Variants in VPS51 observed in about 807,000 individuals in gnomAD.
VPS51 encodes vacuolar protein sorting-associated protein 51 homolog.
VPS51 carries 55 observed loss-of-function variants against 65.1 expected under a neutral mutation model. That is an observed-to-expected ratio of 0.84 (90% CI 0.68 to 1.06). The LOEUF is 1.06. VPS51 is among the 50% of genes least tolerant of loss of function. VPS51 has a pLI of 0.00. For synonymous variants in VPS51, 473 were observed against 489.5 expected (o/e 0.97, Z 0.44); for missense variants, 943 against 1,101.6 (o/e 0.86, Z 2.04).
intron 1 of VPS51, 156 bp downstream of exon 1, chr11:65,096,634 C>G: frequency 1.5e-6 from 1 of 670,046 alleles, no homozygotes; most frequent in Non-Finnish European, 2.5e-6. Context: ...GTACGAGCAG[C>G]TGAGGCGTCT....
chr11:65,101,651 G>A (rs553250741), intron 2 of VPS51, among the ~76,000 whole-genome samples: 31 of 150,312 alleles, frequency 2.1e-4, no homozygotes, highest in African/African-American at 5.6e-4. Context: ...CCTGTAGTCC[G>A]AGCTGCTCAG....
At position 65,108,274 on chromosome 11, in the gene VPS51, T is replaced by C. The variant is rs1947858410; in HGVS notation, c.803T>C (p.Leu268Pro). 1 of 1,600,228 alleles carries C rather than the reference T, an allele frequency of 6.2e-7. No homozygotes were observed. Among genetic ancestry groups the C allele is most frequent in the African/African-American group, 1.3e-5 (1 of 74,834 alleles). Residue 268 changes from leucine to proline, a missense_variant, in exon 5 of 10, where the codon CTG (leucine) becomes CCG (proline). Leu to Pro is a moderately conservative substitution (Grantham distance 98). Coordinates refer to ENST00000279281, the MANE Select transcript of VPS51 (RefSeq NM_013265.4). ...GCCCTGGGCGAGCCTGCGGAGGAGC[T>C]GTGCGAGGAGTTCCTGGCGCACGCC... Reference protein sequence around the residue: ...LLALGEPAEELCEEFLAHARG... With the variant: ...LLALGEPAEEPCEEFLAHARG...
chr11:65,096,518 G>GGGGGGGGGGTGGGGGGGGGGGGC, intron 1 of VPS51, 40 bp downstream of exon 1: 2 of 499,412 alleles, frequency 4.0e-6, no homozygotes, highest in Non-Finnish European at 7.3e-6. Flanking sequence ...GGGGAGGGGG[G>GGGGGGGGGGTGGGGGGGGGGGGC]AAGGGAACCA....
At chr11:65,101,112 GA>G (rs1421021184) in intron 2 of VPS51, among the ~76,000 whole-genome samples, 4 of 152,278 alleles carry the variant, frequency 2.6e-5, no homozygotes, top group South Asian at 2.1e-4. Flanking sequence ...CAAGTTCTAG[GA>G]GTGGGGGAAT....
Position 65,107,546 on chromosome 11 carries a change from C to T in VPS51, c.359-35C>T. On this transcript the variant is annotated intron_variant, in intron 2 of 9. Coordinates refer to ENST00000279281, the MANE Select transcript of VPS51 (RefSeq NM_013265.4). The surrounding 1 kb of genome is among the most constrained non-coding windows in gnomAD (Gnocchi z 4.0). ...GAGGTTGCGCCCGCCCTGCAGTCAC[C>T]TGCTCTCCCCTTTTCCCCGCCCCTG... 6.4e-7 allele frequency: 1 copy of T among 1,553,600 alleles called. No homozygotes were observed. The highest frequency in any genetic ancestry group is 8.8e-7 in the Non-Finnish European group (1 of 1,142,820).
chr11:65,110,665 G>C (rs1205532178), intron 8 of VPS51, 29 bp from the exon 9 acceptor site: 2 of 1,614,166 alleles, frequency 1.2e-6, no homozygotes, highest in East Asian at 4.5e-5. Context: ...TGCAGGGCGG[G>C]CTCTGATTCC....
Position 65,109,416 on chromosome 11 carries a change from T to G in VPS51, c.1580T>G (p.Leu527Arg). 1.2e-6 allele frequency: 2 copies of G among 1,610,728 alleles called. No individual in the cohort carries two copies. Among genetic ancestry groups the G allele is most frequent in the Non-Finnish European group, 1.7e-6 (2 of 1,179,990 alleles). The change falls in exon 6 of 10, where the codon CTC becomes CGC. Residue 527 changes from leucine to arginine, a missense_variant. By Grantham distance (102) the Leu-to-Arg change is moderately radical. Coordinates refer to ENST00000279281, the MANE Select transcript of VPS51 (RefSeq NM_013265.4). Reference sequence around the variant, plus strand: ...ACACCACCTGCCCTGCTCCTGCTGCTCTCCCGCCTCTGCCTGGACTACGAG... The same window carrying G: ...ACACCACCTGCCCTGCTCCTGCTGCGCTCCCGCCTCTGCCTGGACTACGAG... ...GATPPALLLLLSRLCLDYETA... is the reference protein window; with the variant it reads ...GATPPALLLLRSRLCLDYETA...
chr11:65,111,722 G>A lies in VPS51; in HGVS notation c.*135G>A. The A allele has an allele frequency of 7.3e-7, 1 of 1,377,842 alleles. No homozygotes were observed. The highest frequency in any genetic ancestry group is 9.6e-7 in the Non-Finnish European group (1 of 1,046,312). 85.4% of individuals were successfully genotyped at this position (1,377,842 alleles called of 1,614,324 possible). On this transcript the variant is annotated 3_prime_UTR_variant, in exon 10 of 10. Transcript: ENST00000279281. ...TGTGGCCTCCTCCTCTCGCTTGCTGGGCGGGCCTTTCCGGGGGCGGGGTTT... is the reference window on the plus strand; with the variant it reads ...TGTGGCCTCCTCCTCTCGCTTGCTGAGCGGGCCTTTCCGGGGGCGGGGTTT...
At chr11:65,099,841 G>A (rs1947796364) in intron 2 of VPS51, among the ~76,000 whole-genome samples, 1 of 152,116 alleles carries the variant, frequency 6.6e-6, no homozygotes, top group Non-Finnish European at 1.5e-5. Context: ...GGTGGCTTAT[G>A]CCTATAATCT....
In VPS51 at chr11:65,109,428, G is replaced by A. The variant is rs1268160739; in HGVS notation, c.1592G>A (p.Cys531Tyr). 1 of 1,610,468 alleles carries A rather than the reference G, an allele frequency of 6.2e-7. No individual in the cohort carries two copies. The highest frequency in any genetic ancestry group is 1.7e-5 in the Admixed American group (1 of 60,030). Reference sequence around the variant, plus strand: ...CTGCTCCTGCTGCTCTCCCGCCTCTGCCTGGACTACGAGACGGCCACCATC... The same window carrying A: ...CTGCTCCTGCTGCTCTCCCGCCTCTACCTGGACTACGAGACGGCCACCATC... ...PALLLLLSRL[C>Y]LDYETATISY... The change falls in exon 6 of 10, where the codon TGC (cysteine) becomes TAC (tyrosine). Residue 531 changes from cysteine (C) to tyrosine (Y), a missense_variant. Physicochemically the swap from Cys to Tyr is radical, Grantham distance 194. Around this residue, in one of 2 missense-constraint regions of VPS51, gnomAD observed 855 missense variants for 953.7 expected, o/e 0.90. Transcript: ENST00000279281.
In VPS51 at chr11:65,107,461, T is replaced by A. The variant is rs1283412917; in HGVS notation, c.359-120T>A. 4.1e-6 allele frequency: 5 copies of A among 1,224,032 alleles called. No homozygotes were observed. The highest frequency in any genetic ancestry group is 5.7e-6 in the Non-Finnish European group (5 of 881,826). 75.8% of individuals were successfully genotyped at this position (1,224,032 alleles called of 1,614,324 possible). A position where few individuals can be genotyped will look rare whatever the true frequency, so the allele number is the denominator to read the frequency against. ...CGCCCTCGCAGTCCTTTCTCTGGAA[T>A]CATCCATGCGCCCCTGGAGCAAGCT... On this transcript the variant is annotated intron_variant, in intron 2 of 9. Coordinates refer to ENST00000279281, the MANE Select transcript of VPS51 (RefSeq NM_013265.4). The surrounding 1 kb of genome is among the most constrained non-coding windows in gnomAD (Gnocchi z 4.0).
chr11:65,104,798 T>C (rs1189216254), intron 2 of VPS51, among the ~76,000 whole-genome samples: 1 of 152,176 alleles, frequency 6.6e-6, no homozygotes, highest in Non-Finnish European at 1.5e-5. Flanking sequence ...GCTGGGGCAG[T>C]GTTTACACAG....
intron 7 of VPS51, 158 bp from the exon 8 acceptor site, chr11:65,110,324 T>C (rs1947884477): frequency 7.7e-7 from 1 of 1,297,278 alleles, no homozygotes; most frequent in African/African-American, 1.5e-5. Context: ...ACTGGTTCTA[T>C]AAATAGCGAC....
At chr11:65,106,281 C>T (rs1008784245) in intron 2 of VPS51, among the ~76,000 whole-genome samples, 7 of 152,038 alleles carry the variant, frequency 4.6e-5, no homozygotes, top group Admixed American at 1.3e-4. Flanking sequence ...AAGAACTGCC[C>T]GAGACTAGGT....
intron 2 of VPS51, among the ~76,000 whole-genome samples, chr11:65,106,505 A>G (rs956652967): frequency 3.9e-5 from 6 of 152,204 alleles, no homozygotes; most frequent in Non-Finnish European, 8.8e-5. Context: ...TAATCCCAGC[A>G]CTTTGGGAGG....
chr11:65,097,004 A>C lies in VPS51; in HGVS notation c.235A>C (p.Arg79=). The C allele has an allele frequency of 6.2e-7, 1 of 1,613,594 alleles. No individual in the cohort carries two copies. The highest frequency in any genetic ancestry group is 8.5e-7 in the Non-Finnish European group (1 of 1,180,012). ...DPEVYLDKLR[R]ECPLAQLMDS... ...AACCACCCAACTTCTTCAGCTGCGT[A>C]GAGAGTGCCCTCTGGCCCAGTTGAT... The change falls in exon 2 of 10, where the codon AGA becomes CGA. Residue 79 remains arginine, a synonymous_variant. Transcript: ENST00000279281.
chr11:65,111,546 A>G lies in VPS51; in HGVS notation c.2308A>G (p.Met770Val), dbSNP rs1488707935. ...AALRCPDPVP[M>V]EPSVVEVICE... ...CCTGCGCTGCCCAGACCCTGTGCCCATGGAGCCCAGTGTGGTTGAGGTCAT... is the reference window on the plus strand; with the variant it reads ...CCTGCGCTGCCCAGACCCTGTGCCCGTGGAGCCCAGTGTGGTTGAGGTCAT... Residue 770 changes from methionine to valine, a missense_variant, in exon 10 of 10, where the codon ATG (methionine) becomes GTG (valine). By Grantham distance (21) the Met-to-Val change is conservative. Transcript: ENST00000279281. 6.2e-7 allele frequency: 1 copy of G among 1,611,842 alleles called. No homozygotes were observed. Among genetic ancestry groups the G allele is most frequent in the African/African-American group, 1.3e-5 (1 of 75,000 alleles).
chr11:65,101,428 T>C (rs1373065560), intron 2 of VPS51, among the ~76,000 whole-genome samples: 1 of 152,106 alleles, frequency 6.6e-6, no homozygotes, highest in Admixed American at 6.6e-5. Flanking sequence ...CTAATTCTTT[T>C]CTCTAGGCAA....
chr11:65,097,474 G>A (rs1273753374), intron 2 of VPS51, among the ~76,000 whole-genome samples: 2 of 152,120 alleles, frequency 1.3e-5, no homozygotes, highest in African/African-American at 4.8e-5. Flanking sequence ...GATCCTTCTG[G>A]ATCCTACCAA....
Sources: allele counts gnomAD v4.1 joint callset (sites outside exome capture counted in the v4.1 genomes callset), GRCh38; gene constraint gnomAD v4.1.1; regional missense constraint gnomAD v4.1.1; non-coding constraint Gnocchi (gnomAD v3.1); transcripts MANE v1.5; gene names NCBI Gene and HGNC (gene_info 2026-07-23, HGNC 2026-07-21).